The following ORC3 variants were observed in gnomAD, a reference collection of about 807,000 sequenced individuals.
ORC3 encodes origin recognition complex subunit 3.
Under a neutral mutation model 100.7 loss-of-function variants are expected in ORC3, and 78 were observed. That is an observed-to-expected ratio of 0.77 (90% CI 0.65 to 0.94). ORC3 has a LOEUF of 0.94. Ranked by LOEUF, ORC3 falls within the 40% of genes least tolerant of loss-of-function variation. The probability of loss-of-function intolerance (pLI) is 0.00; values close to 1 mark genes in which losing one functional copy is unlikely to be tolerated. For synonymous variants in ORC3, 295 were observed against 289.3 expected, an observed-to-expected ratio of 1.02 and a Z score of -0.20; for missense variants, 789 against 823.9, an observed-to-expected ratio of 0.96 and a Z score of 0.52.
chr6:87,627,636 T>C (rs1233678276), intron 11 of ORC3, among the ~76,000 whole-genome samples: 27 of 150,886 alleles, frequency 1.8e-4, no homozygotes, highest in Admixed American at 1.8e-3. Context: ...TGTATATACA[T>C]TTTTATGTAT....
chr6:87,612,769 C>T (rs1365259951), intron 8 of ORC3, among the ~76,000 whole-genome samples: 1 of 152,110 alleles, frequency 6.6e-6, no homozygotes, highest in Non-Finnish European at 1.5e-5. Context: ...TGTGCCGCCA[C>T]GCCTGGCTAA....
chr6:87,590,179 C>T lies in ORC3; in HGVS notation c.11C>T (p.Ser4Phe), dbSNP rs1474995307. 2.5e-6 allele frequency: 4 copies of T among 1,614,116 alleles called. No individual in the cohort carries two copies. The highest frequency in any genetic ancestry group is 3.4e-6 in the Non-Finnish European group (4 of 1,179,924). The change falls in exon 1 of 20, where the codon TCC becomes TTC. Residue 4 changes from serine to phenylalanine, a missense_variant. By Grantham distance (155) the Ser-to-Phe change is radical. Transcript: ENST00000392844. ...AGAGTCAGTAAGACCATGGCTACGT[C>T]CTCGATGTCTAAGGTATGTGGTGGC... MAT[S>F]SMSKGCFVFK... is the part of the protein sequence containing the mutation.
intron 16 of ORC3, among the ~76,000 whole-genome samples, chr6:87,660,546 G>A (rs1303752352): frequency 6.6e-6 from 1 of 152,230 alleles, no homozygotes; most frequent in African/African-American, 2.4e-5. Flanking sequence ...ATAAGCAGGA[G>A]ACTTCAGGAG....
intron 11 of ORC3, among the ~76,000 whole-genome samples, chr6:87,622,372 A>T (rs529192461): frequency 6.6e-6 from 1 of 152,266 alleles, no homozygotes; most frequent in Non-Finnish European, 1.5e-5. Context: ...GCTGTGATAA[A>T]TAAAAGCATT....
rs568621741 is a variant in ORC3, at chr6:87,645,816, T to A, written c.1383-7300T>A. Among the ~76,000 whole-genome samples the A allele has an allele frequency of 2.0e-3, 300 of 152,250 alleles. 2 individuals are homozygous for A. The highest frequency in any genetic ancestry group is 2.2e-3 in the Non-Finnish European group (150 of 68,018). ...TTGCTTTTAATGATTGCTTAATGAT[T>A]CTCTTTCTTAGTTAAGAAAACTTTT... On this transcript the variant is annotated intron_variant, in intron 13 of 19. Coordinates refer to ENST00000392844, the MANE Select transcript of ORC3 (RefSeq NM_012381.4).
intron 13 of ORC3, 114 bp from the exon 14 acceptor site, chr6:87,653,002 A>C (rs961548732): frequency 2.1e-5 from 17 of 799,264 alleles, no homozygotes; most frequent in Non-Finnish European, 2.6e-5. Flanking sequence ...GCTACTAATG[A>C]AGAATTTCTT....
At chr6:87,606,128 A>G (rs1395763882) in intron 5 of ORC3, 107 bp downstream of exon 5, 1 of 685,934 alleles carries the variant, frequency 1.5e-6, no homozygotes, top group East Asian at 2.6e-5. Flanking sequence ...TGGAAAGAAC[A>G]CAGTGCTATG....
intron 2 of ORC3, 118 bp from the exon 3 acceptor site, chr6:87,601,666 C>T: frequency 1.6e-6 from 1 of 607,616 alleles, no homozygotes; most frequent in Non-Finnish European, 2.9e-6. Context: ...AGTGAGACTC[C>T]ATATCAAAAA....
chr6:87,598,554 G>T (rs1010497911), intron 2 of ORC3, among the ~76,000 whole-genome samples: 4 of 151,956 alleles, frequency 2.6e-5, no homozygotes, highest in Admixed American at 2.6e-4. Flanking sequence ...TTTTTGTATT[G>T]AATTTAAGCT....
In ORC3 at chr6:87,636,497, T is replaced by G; in HGVS notation, c.1382+11T>G. 4.5e-6 allele frequency: 7 copies of G among 1,565,092 alleles called. No homozygotes were observed. The highest frequency in any genetic ancestry group is 6.2e-6 in the Non-Finnish European group (7 of 1,135,596). The stretch of plus-strand genomic sequence containing the variant: ...CTTGCAGCTGCTGAGGTAGTTTTGT[T>G]TTTTCTTGTTTTTCTATTTTTGTCT... On this transcript the variant is annotated intron_variant, in intron 13 of 19. Transcript: ENST00000392844.
chr6:87,591,627 T>A (rs1212554358), intron 1 of ORC3, among the ~76,000 whole-genome samples: 1 of 152,210 alleles, frequency 6.6e-6, no homozygotes, highest in Non-Finnish European at 1.5e-5. Context: ...CAGGAAAGCA[T>A]TTTTGGTATT....
intron 8 of ORC3, among the ~76,000 whole-genome samples, chr6:87,613,548 T>C (rs1303435553): frequency 1.3e-5 from 2 of 152,038 alleles, no homozygotes; most frequent in East Asian, 3.9e-4. Flanking sequence ...TAGTCCACAG[T>C]CCAAAGTCTC....
chr6:87,633,532 C>T (rs952100801), intron 11 of ORC3, among the ~76,000 whole-genome samples: 2 of 152,104 alleles, frequency 1.3e-5, no homozygotes, highest in African/African-American at 2.4e-5. Context: ...ACCCGTAGAT[C>T]GTTGACCAAG....
intron 16 of ORC3, among the ~76,000 whole-genome samples, chr6:87,661,446 G>A (rs1770172029): frequency 6.6e-6 from 1 of 152,194 alleles, no homozygotes; most frequent in African/African-American, 2.4e-5. Flanking sequence ...GAATGAGCAA[G>A]GGGTCATTAG....
chr6:87,663,167 T>C (rs1348457864), intron 17 of ORC3, 23 bp downstream of exon 17: 12 of 1,592,962 alleles, frequency 7.5e-6, no homozygotes, highest in Non-Finnish European at 1.0e-5. Context: ...TTTAGTTTTC[T>C]GATAGTTTAG....
chr6:87,597,588 A>G (rs1777545122), intron 2 of ORC3, among the ~76,000 whole-genome samples: 1 of 152,124 alleles, frequency 6.6e-6, no homozygotes. Context: ...TTTGAATTGA[A>G]AAAATGAACT....
intron 11 of ORC3, among the ~76,000 whole-genome samples, chr6:87,631,513 G>C (rs964714547): frequency 1.1e-4 from 17 of 151,848 alleles, no homozygotes; most frequent in Non-Finnish European, 2.4e-4. Context: ...TTTTTTTTGA[G>C]ATGGAATCTC....
intron 14 of ORC3, among the ~76,000 whole-genome samples, chr6:87,654,840 T>A (rs1769545764): frequency 1.3e-5 from 2 of 152,212 alleles, no homozygotes; most frequent in African/African-American, 2.4e-5. Flanking sequence ...GATACATTTT[T>A]AATTAGAGTT....
chr6:87,605,829 A>G, intron 4 of ORC3, 88 bp from the exon 5 acceptor site: 3 of 690,636 alleles, frequency 4.3e-6, no homozygotes, highest in South Asian at 3.8e-5. Flanking sequence ...AAATGTTTTT[A>G]CTTGTTTGCT....
Sources: allele counts gnomAD v4.1 joint callset (sites outside exome capture counted in the v4.1 genomes callset), GRCh38; gene constraint gnomAD v4.1.1; transcripts MANE v1.5; gene names NCBI Gene and HGNC (gene_info 2026-07-23, HGNC 2026-07-21).